The following RUNX1 variants were observed in gnomAD, a reference collection of about 807,000 sequenced individuals.
RUNX1 encodes the protein runt-related transcription factor 1.
In RUNX1, 19 loss-of-function variants were observed where a neutral mutation model predicts 42.8. That is an observed-to-expected ratio of 0.44 (90% CI 0.31 to 0.65). RUNX1 has a LOEUF of 0.65. RUNX1 is among the 30% of genes least tolerant of loss of function. The pLI is 0.07. For missense variants in RUNX1, 528 were observed against 672.0 expected, an observed-to-expected ratio of 0.79 and a Z score of 2.37; for synonymous variants, 271 against 289.4, an observed-to-expected ratio of 0.94 and a Z score of 0.64.
intron 2 of RUNX1, 48 bp downstream of exon 2, chr21:35,048,794 A>G (rs2059418652): frequency 1.3e-6 from 2 of 1,511,828 alleles, no homozygotes; most frequent in African/African-American, 1.4e-5. Context: ...ATTTCATTAC[A>G]GGCAAAGCTG....
rs967470570 is a variant in RUNX1 at position 34,788,898 on chromosome 21, G to A, written c.*3237C>T. 1 of 233,126 alleles carries A rather than the reference G, an allele frequency of 4.3e-6. No homozygotes were observed. The highest frequency in any genetic ancestry group is 2.2e-5 in the African/African-American group (1 of 45,320). The allele number at this position is 233,126 out of a possible 1,614,324, so 14.4% of individuals were successfully genotyped here. A position where few individuals can be genotyped will look rare whatever the true frequency, so the allele number is the denominator to read the frequency against. On this transcript the variant is annotated 3_prime_UTR_variant, in exon 9 of 9. Coordinates refer to ENST00000675419, the MANE Select transcript of RUNX1 (RefSeq NM_001754.5). ...AACCAACAAAAATAAAAATCATCAG[G>A]ACGGAATGTCCCAAAGAAACAGGTA...
chr21:34,902,317 C>A (rs1203043008), intron 2 of RUNX1, among the ~76,000 whole-genome samples: 1 of 152,126 alleles, frequency 6.6e-6, no homozygotes, highest in Non-Finnish European at 1.5e-5. Context: ...GATAAGACGA[C>A]CCTTGGTGAG....
chr21:34,810,107 C>A (rs1192868419), intron 7 of RUNX1, among the ~76,000 whole-genome samples: 1 of 152,212 alleles, frequency 6.6e-6, no homozygotes, highest in Non-Finnish European at 1.5e-5. Context: ...GAGCAGTGAT[C>A]TCAAAAGCCT....
Position 34,901,733 on chromosome 21 carries a change from T to G in RUNX1, c.59-8770A>C, listed in dbSNP as rs2058179469. ...ATAGACTGAGAAGTCACTCTCCACATGAAACCAGTCTTCTCTTCGAGTGAT... is the reference window on the plus strand; with the variant it reads ...ATAGACTGAGAAGTCACTCTCCACAGGAAACCAGTCTTCTCTTCGAGTGAT... On this transcript the variant is annotated intron_variant, in intron 2 of 8. Transcript: ENST00000675419. The surrounding 1 kb of genome is among the most constrained non-coding windows in gnomAD (Gnocchi z 4.3). 6.6e-6 allele frequency among the ~76,000 whole-genome samples: 1 copy of G among 152,156 alleles called. No individual in the cohort carries two copies. The highest frequency in any genetic ancestry group is 1.5e-5 in the Non-Finnish European group (1 of 68,026).
In RUNX1 at chr21:34,918,127, CAAAAAAAAAAAA is replaced by C. The variant is rs71324335; in HGVS notation, c.59-25176_59-25165del. ...TGGGTGACAGGGTGAGACTCTGTCT[CAAAAAAAAAAAA>C]AAAAAAAAAAGTCCTTGGCTTTTAC... On this transcript the variant is annotated intron_variant, in intron 2 of 8. Transcript: ENST00000675419. Among the ~76,000 whole-genome samples, 300 of 71,264 alleles carry C rather than the reference CAAAAAAAAAAAA, an allele frequency of 4.2e-3. 3 individuals are homozygous for C. Among genetic ancestry groups the C allele is most frequent in the Middle Eastern group, 0.017 (2 of 116 alleles). The allele number at this position is 71,264 out of a possible 152,430, so 46.8% of individuals were successfully genotyped here.
At chr21:34,895,935 T>C (rs2146466674) in intron 2 of RUNX1, among the ~76,000 whole-genome samples, 1 of 151,940 alleles carries the variant, frequency 6.6e-6, no homozygotes, top group Admixed American at 6.5e-5. Context: ...TGGGGAGCTA[T>C]AGCAGTTGTC....
At chr21:35,047,934 T>A (rs1379668766) in intron 2 of RUNX1, among the ~76,000 whole-genome samples, 2 of 152,146 alleles carry the variant, frequency 1.3e-5, no homozygotes, top group Admixed American at 6.5e-5. Flanking sequence ...AGCCCTCTTT[T>A]ACCACGAAAG....
chr21:35,037,649 CTAACCACAAGCAGGTCACG>C (rs1199471334), intron 2 of RUNX1, among the ~76,000 whole-genome samples: 1 of 152,202 alleles, frequency 6.6e-6, no homozygotes, highest in East Asian at 1.9e-4. Context: ...TCCCAGCAGC[CTAACCACAAGCAGGTCACG>C]TAACCTTGGC....
intron 2 of RUNX1, among the ~76,000 whole-genome samples, chr21:34,983,624 G>T (rs1017234599): frequency 6.6e-6 from 1 of 152,054 alleles, no homozygotes; most frequent in Non-Finnish European, 1.5e-5. Flanking sequence ...CTGGGGCAGG[G>T]GTTTAGATTA....
At chr21:34,862,958 T>A (rs2057598779) in intron 5 of RUNX1, among the ~76,000 whole-genome samples, 1 of 152,184 alleles carries the variant, frequency 6.6e-6, no homozygotes, top group African/African-American at 2.4e-5. Flanking sequence ...ACTACCCAAA[T>A]GACAACAAAG....
At chr21:34,906,499 AT>A (rs1442134136) in intron 2 of RUNX1, among the ~76,000 whole-genome samples, 1 of 152,186 alleles carries the variant, frequency 6.6e-6, no homozygotes, top group East Asian at 1.9e-4. Context: ...ATGTCATTTA[AT>A]CCTTTTGGTA....
chr21:34,831,211 T>C (rs2057058827), intron 7 of RUNX1, among the ~76,000 whole-genome samples: 1 of 152,202 alleles, frequency 6.6e-6, no homozygotes, highest in Admixed American at 6.5e-5. Context: ...CATGACAAAA[T>C]GGCTTTCTAT....
chr21:34,845,647 G>A (rs981863142), intron 6 of RUNX1, among the ~76,000 whole-genome samples: 1 of 152,142 alleles, frequency 6.6e-6, no homozygotes, highest in Non-Finnish European at 1.5e-5. Context: ...CTCATAAACT[G>A]CCGCAGATTA....
chr21:34,906,439 ACTGAGCTATT>A, intron 2 of RUNX1, among the ~76,000 whole-genome samples: 2 of 152,338 alleles, frequency 1.3e-5, no homozygotes, highest in East Asian at 3.9e-4. Context: ...CTTAACATTT[ACTGAGCTATT>A]CTGAGCTTCA....
At chr21:34,880,990 T>G (rs1035030005) in intron 4 of RUNX1, among the ~76,000 whole-genome samples, 6 of 152,346 alleles carry the variant, frequency 3.9e-5, no homozygotes, top group African/African-American at 1.4e-4. Context: ...TAATACATTA[T>G]GTATAACTAT....
intron 4 of RUNX1, among the ~76,000 whole-genome samples, chr21:34,884,289 T>C (rs1172043521): frequency 6.6e-6 from 1 of 152,078 alleles, no homozygotes; most frequent in Admixed American, 6.5e-5. Context: ...TTAAAGAAAA[T>C]TCATAATTTT....
At chr21:34,920,469 A>G (rs747379032) in intron 2 of RUNX1, among the ~76,000 whole-genome samples, 2 of 152,224 alleles carry the variant, frequency 1.3e-5, no homozygotes. Flanking sequence ...CAAATTGGAT[A>G]GTCACTTAAA....
intron 2 of RUNX1, among the ~76,000 whole-genome samples, chr21:35,006,886 C>A (rs920543137): frequency 2.0e-5 from 3 of 152,106 alleles, no homozygotes; most frequent in African/African-American, 7.2e-5. Context: ...AGGACAGTCC[C>A]CATTTACTGT....
rs189200128 is a variant in RUNX1, at chr21:34,920,439, G to A, written c.59-27476C>T. On this transcript the variant is annotated intron_variant, in intron 2 of 8. Coordinates refer to ENST00000675419, the MANE Select transcript of RUNX1 (RefSeq NM_001754.5). ...CAGCTTCCAACTGGAAACACACCAT[G>A]AAATTTACCAGTTTCAGACCAAATT... is the stretch of plus-strand genomic sequence containing the variant. 3.8e-3 allele frequency among the ~76,000 whole-genome samples: 583 copies of A among 152,296 alleles called. 2 individuals are homozygous for A. Among genetic ancestry groups the A allele is most frequent in the Non-Finnish European group, 5.4e-3 (365 of 68,028 alleles).
Sources: allele counts gnomAD v4.1 joint callset (sites outside exome capture counted in the v4.1 genomes callset), GRCh38; gene constraint gnomAD v4.1.1; non-coding constraint Gnocchi (gnomAD v3.1); transcripts MANE v1.5; gene names NCBI Gene and HGNC (gene_info 2026-07-23, HGNC 2026-07-21).